Variants in SPATA22 observed in about 807,000 individuals in gnomAD.
The protein encoded by SPATA22 is spermatogenesis associated 22, also known as spermatogenesis-associated protein 22.
Under a neutral mutation model 47.8 loss-of-function variants are expected in SPATA22, and 29 were observed. The ratio of observed to expected loss-of-function variants is 0.61; its 90% CI spans 0.45 to 0.83. The LOEUF (loss-of-function observed/expected upper bound fraction) is 0.83, where lower values mean the gene tolerates loss of function less well. Ranked by LOEUF, SPATA22 falls within the 40% of genes least tolerant of loss-of-function variation. The probability of loss-of-function intolerance (pLI) is 0.00; values close to 1 mark genes in which losing one functional copy is unlikely to be tolerated. For missense variants in SPATA22, 410 were observed against 421.7 expected, an observed-to-expected ratio of 0.97 and a Z score of 0.24; for synonymous variants, 133 against 140.9, an observed-to-expected ratio of 0.94 and a Z score of 0.40.
chr17:3,477,334 G>A (rs1382290343), intron 1 of SPATA22, among the ~76,000 whole-genome samples: 4 of 152,132 alleles, frequency 2.6e-5, no homozygotes, highest in African/African-American at 9.7e-5. Context: ...TGCATACAAC[G>A]TAAGCAGTCA....
chr17:3,503,616 A>G (rs2074015145), intron 1 of SPATA22, among the ~76,000 whole-genome samples: 1 of 152,296 alleles, frequency 6.6e-6, no homozygotes, highest in African/African-American at 2.4e-5. Flanking sequence ...CTGTGGTTTC[A>G]GTGGGTTTCA....
chr17:3,508,446 C>T (rs561404496), intron 1 of SPATA22, among the ~76,000 whole-genome samples: 89 of 151,594 alleles, frequency 5.9e-4, no homozygotes, highest in African/African-American at 2.0e-3. Flanking sequence ...AAGACACATG[C>T]ACACGTATGT....
intron 5 of SPATA22, among the ~76,000 whole-genome samples, chr17:3,461,098 A>G (rs1293114164): frequency 6.6e-6 from 1 of 152,228 alleles, no homozygotes; most frequent in Non-Finnish European, 1.5e-5. Context: ...GCTGCTAGAA[A>G]CAATACAGGA....
intron 1 of SPATA22, among the ~76,000 whole-genome samples, chr17:3,477,888 A>T (rs1010276237): frequency 2.0e-5 from 3 of 152,070 alleles, no homozygotes; most frequent in Non-Finnish European, 4.4e-5. Context: ...ACTAGCTAAG[A>T]TATAAGATAC....
At chr17:3,448,760 A>G (rs1358663280) in intron 6 of SPATA22, 47 bp downstream of exon 6, 2 of 1,402,616 alleles carry the variant, frequency 1.4e-6, no homozygotes, top group South Asian at 1.4e-5. Flanking sequence ...TTTACCTCAT[A>G]TTTTTAAAAA....
intron 1 of SPATA22, among the ~76,000 whole-genome samples, chr17:3,470,770 A>C (rs893396941): frequency 3.3e-5 from 5 of 151,282 alleles, no homozygotes; most frequent in Non-Finnish European, 7.4e-5. Context: ...AGAAAAAAAA[A>C]CAACTTGGGA....
Position 3,446,512 on chromosome 17 carries a change from A to G in SPATA22, c.762T>C (p.Arg254=), listed in dbSNP as rs2072730457. 6.2e-7 allele frequency: 1 copy of G among 1,608,474 alleles called. No homozygotes were observed. Among genetic ancestry groups the G allele is most frequent in the Admixed American group, 1.7e-5 (1 of 58,980 alleles). Reference sequence around the variant, plus strand: ...GAAGTACAGTTTTCTGTGCATGTTCACGCCAATACTTCATGCTTTCAATAA... The same window carrying G: ...GAAGTACAGTTTTCTGTGCATGTTCGCGCCAATACTTCATGCTTTCAATAA... ...SAVIESMKYW[R]EHAQKTVLLF... The change falls in exon 7 of 9, where the codon CGT becomes CGC. Residue 254 remains arginine, a synonymous_variant. Transcript: ENST00000572969.
At chr17:3,468,377 T>C (rs1047075115) in intron 2 of SPATA22, 3 of 152,178 alleles carry the variant, frequency 2.0e-5, no homozygotes, top group Non-Finnish European at 4.4e-5. Flanking sequence ...AAATATCAGT[T>C]TGGATCTCTT....
At chr17:3,482,556 A>G (rs1180794762) in intron 1 of SPATA22, among the ~76,000 whole-genome samples, 11 of 152,280 alleles carry the variant, frequency 7.2e-5, no homozygotes, top group African/African-American at 2.6e-4. Flanking sequence ...AAAACACACC[A>G]TTCCCAAAAC....
chr17:3,492,382 C>T (rs1014320298), intron 1 of SPATA22, among the ~76,000 whole-genome samples: 15 of 152,132 alleles, frequency 9.9e-5, no homozygotes, highest in Non-Finnish European at 2.1e-4. Flanking sequence ...TTTTTACTTT[C>T]TTCCTATCCA....
chr17:3,457,056 G>A (rs2150714326), intron 5 of SPATA22, among the ~76,000 whole-genome samples: 1 of 152,226 alleles, frequency 6.6e-6, no homozygotes, highest in South Asian at 2.1e-4. Flanking sequence ...TCTCAAAATA[G>A]TAAGGGCTAT....
chr17:3,458,727 G>C (rs1302426767), intron 5 of SPATA22, among the ~76,000 whole-genome samples: 1 of 151,854 alleles, frequency 6.6e-6, no homozygotes, highest in Non-Finnish European at 1.5e-5. Context: ...TATAATCCCA[G>C]TTACTCGAGA....
chr17:3,477,236 T>TG (rs1351008522), intron 1 of SPATA22, among the ~76,000 whole-genome samples: 16 of 152,104 alleles, frequency 1.1e-4, no homozygotes, highest in African/African-American at 3.9e-4. Context: ...ACTTCCATGG[T>TG]GGATTGTTGT....
intron 5 of SPATA22, among the ~76,000 whole-genome samples, chr17:3,460,171 G>A (rs949868957): frequency 2.6e-5 from 4 of 152,124 alleles, no homozygotes; most frequent in Non-Finnish European, 5.9e-5. Context: ...AAATACATCA[G>A]AACTGTGTGT....
intron 8 of SPATA22, among the ~76,000 whole-genome samples, chr17:3,442,765 A>T (rs2150692616): frequency 6.6e-6 from 1 of 152,024 alleles, no homozygotes; most frequent in Non-Finnish European, 1.5e-5. Context: ...GTTGATTCTT[A>T]TTAGTCCTTA....
chr17:3,454,274 GTT>G (rs939869037), intron 5 of SPATA22, among the ~76,000 whole-genome samples: 1 of 149,140 alleles, frequency 6.7e-6, no homozygotes, highest in Non-Finnish European at 1.5e-5. Flanking sequence ...AATTGATATT[GTT>G]TTTTGTTTTA....
At chr17:3,454,107 G>T (rs1216017788) in intron 5 of SPATA22, among the ~76,000 whole-genome samples, 1 of 150,850 alleles carries the variant, frequency 6.6e-6, no homozygotes, top group South Asian at 2.1e-4. Context: ...GAAACCAAGA[G>T]AATGATCCCA....
At chr17:3,471,847 G>A (rs1363497965), upstream of SPATA22, 6 of 985,510 alleles carry the variant, frequency 6.1e-6, no homozygotes, top group Non-Finnish European at 7.2e-6. Flanking sequence ...CGTGGACCGC[G>A]CAGGCGCAGT....
In SPATA22 at chr17:3,440,357, G is replaced by A. The variant is rs2150689362; in HGVS notation, c.901-19C>T. ...CACGATCCTGTTTTTCAAAAAATAA[G>A]TATCAAAAAATAGTTATTACTTCAT... On this transcript the variant is annotated intron_variant, in intron 8 of 8. Transcript: ENST00000572969. 1 of 1,487,846 alleles carries A rather than the reference G, an allele frequency of 6.7e-7. No individual in the cohort carries two copies. Among genetic ancestry groups the A allele is most frequent in the South Asian group, 1.4e-5 (1 of 73,444 alleles). The allele number at this position is 1,487,846 out of a possible 1,614,324, so 92.2% of individuals were successfully genotyped here.
Sources: gnomAD v4.1 joint callset for allele counts (sites outside exome capture counted in the v4.1 genomes callset) on GRCh38, gnomAD v4.1.1 for gene constraint, MANE v1.5 for transcripts, NCBI Gene and HGNC (gene_info 2026-07-23, HGNC 2026-07-21) for gene names.